CD40: variants seen among roughly 807,000 people sequenced by gnomAD.
The protein encoded by CD40 is tumor necrosis factor receptor superfamily member 5.
In CD40, 19 loss-of-function variants were observed where a neutral mutation model predicts 38.5. The observed-to-expected ratio is 0.49, with a 90% CI of 0.34 to 0.72. The LOEUF is 0.72. Ranked by LOEUF, CD40 falls within the 30% of genes least tolerant of loss-of-function variation. The pLI is 0.01. For synonymous variants in CD40, 130 were observed against 128.7 expected, an observed-to-expected ratio of 1.01 and a Z score of -0.07; for missense variants, 256 against 344.1, an observed-to-expected ratio of 0.74 and a Z score of 2.03.
At chr20:46,128,588 A>C in intron 8 of CD40, 1 of 706,854 alleles carries the variant, frequency 1.4e-6, no homozygotes, top group South Asian at 1.5e-5. Flanking sequence ...GCTGTTCTTC[A>C]CTCCTTTCCT....
At chr20:46,123,795 C>T (rs373071602) in intron 5 of CD40, among the ~76,000 whole-genome samples, 24 of 152,306 alleles carry the variant, frequency 1.6e-4, no homozygotes, top group African/African-American at 4.6e-4. Context: ...CCAACATGAG[C>T]GTTCGACAGT....
At chr20:46,121,292 G>C (rs539865896) in intron 1 of CD40, among the ~76,000 whole-genome samples, 1 of 152,238 alleles carries the variant, frequency 6.6e-6, no homozygotes, top group African/African-American at 2.4e-5. Flanking sequence ...TACCCTTCCA[G>C]CTTTACATTC....
At position 46,122,576 on chromosome 20, in the gene CD40, G is replaced by A. The variant is rs1299183959; in HGVS notation, c.257-34G>A. The A allele has an allele frequency of 1.9e-6, 3 of 1,613,876 alleles. No individual in the cohort carries two copies. Among genetic ancestry groups the A allele is most frequent in the Non-Finnish European group, 2.5e-6 (3 of 1,179,966 alleles). ...TGAGGCTCAGAGCATGGCCCAGCAG[G>A]GGGTTCCCATCCTTCCTGCCCTTCT... On this transcript the variant is annotated intron_variant, in intron 3 of 8. Coordinates refer to ENST00000372285, the MANE Select transcript of CD40 (RefSeq NM_001250.6). The surrounding 1 kb of genome is among the most constrained non-coding windows in gnomAD (Gnocchi z 5.0).
In CD40 at chr20:46,123,111, C is replaced by T. The variant is rs771438872; in HGVS notation, c.404-15C>T. 1 of 1,601,944 alleles carries T rather than the reference C, an allele frequency of 6.2e-7. No individual in the cohort carries two copies. Among genetic ancestry groups the T allele is most frequent in the Non-Finnish European group, 8.6e-7 (1 of 1,168,890 alleles). On this transcript the variant is annotated splice_polypyrimidine_tract_variant and intron_variant, in intron 4 of 8. Transcript: ENST00000372285. ...CACTGTGATGGTTAATGTCCCCCTC[C>T]CCACCCACTCCCAGCTACAGGGGTT... is the stretch of plus-strand genomic sequence containing the variant.
intron 8 of CD40, 75 bp from the exon 9 acceptor site, chr20:46,128,807 G>C: frequency 1.3e-6 from 2 of 1,506,018 alleles, no homozygotes; most frequent in Non-Finnish European, 1.8e-6. Context: ...GAAGGGATCC[G>C]CTTCCCAGGG....
chr20:46,122,389 G>A lies in CD40; in HGVS notation c.256+31G>A, dbSNP rs764861609. On this transcript the variant is annotated intron_variant, in intron 3 of 8. Transcript: ENST00000372285. This position sits in a 1 kb window ranked among gnomAD's most constrained non-coding sequence, Gnocchi z 5.0. ...TGCGCTGTTGGGAAAGGGACGCTTGGGAACCGGGCTGATATTCCCGACAAT... is the reference window on the plus strand; with the variant it reads ...TGCGCTGTTGGGAAAGGGACGCTTGAGAACCGGGCTGATATTCCCGACAAT... The A allele has an allele frequency of 1.2e-6, 2 of 1,613,910 alleles. No homozygotes were observed. The highest frequency in any genetic ancestry group is 2.2e-5 in the South Asian group (2 of 91,068).
intron 5 of CD40, among the ~76,000 whole-genome samples, chr20:46,126,370 C>T (rs1021586901): frequency 6.6e-6 from 1 of 152,206 alleles, no homozygotes; most frequent in African/African-American, 2.4e-5. Flanking sequence ...ACCTAGATCA[C>T]AAAGCTTGGC....
intron 5 of CD40, 69 bp downstream of exon 5, chr20:46,123,288 C>A: frequency 1.7e-6 from 2 of 1,159,126 alleles, no homozygotes; most frequent in Non-Finnish European, 2.6e-6. Flanking sequence ...TCTCTCCAGC[C>A]ACCTGTCCTG....
In CD40 at chr20:46,122,338, A is replaced by C; in HGVS notation, c.236A>C (p.Gln79Pro). The stretch of plus-strand genomic sequence containing the variant: ...TGGAACAGAGAGACACACTGCCACC[A>C]GCACAAATACTGCGACCCCAGTGCG... ...DTWNRETHCH[Q>P]HKYCDPNLGL... Residue 79 changes from glutamine to proline, a missense_variant, in exon 3 of 9, where the codon CAG (glutamine) becomes CCG (proline). By Grantham distance (76) the Gln-to-Pro change is moderately conservative. Transcript: ENST00000372285. The surrounding 1 kb of genome is among the most constrained non-coding windows in gnomAD (Gnocchi z 5.0). 1 of 1,614,240 alleles carries C rather than the reference A, an allele frequency of 6.2e-7. No homozygotes were observed. The highest frequency in any genetic ancestry group is 8.5e-7 in the Non-Finnish European group (1 of 1,180,048).
In CD40 at chr20:46,128,311, T is replaced by C; in HGVS notation, c.647-19T>C. ...CCTCTCCAACTCCCCATCCTTTTTT[T>C]TTTTTTTTTTTTTTTTAGAAAAGGT... On this transcript the variant is annotated intron_variant, in intron 7 of 8. Transcript: ENST00000372285. 6.3e-7 allele frequency: 1 copy of C among 1,588,816 alleles called. No individual in the cohort carries two copies. Among genetic ancestry groups the C allele is most frequent in the South Asian group, 1.1e-5 (1 of 88,136 alleles).
In CD40 at chr20:46,129,281, G is replaced by T. The variant is rs2085508020; in HGVS notation, c.*241G>T. 3 of 540,534 alleles carry T rather than the reference G, an allele frequency of 5.6e-6. No individual in the cohort carries two copies. In the Admixed American group the frequency reaches 8.6e-5, roughly 16 times the overall value. The allele number at this position is 540,534 out of a possible 1,614,324, so 33.5% of individuals were successfully genotyped here. On this transcript the variant is annotated 3_prime_UTR_variant, in exon 9 of 9. Coordinates refer to ENST00000372285, the MANE Select transcript of CD40 (RefSeq NM_001250.6). ...ATCCAGTCTCCCAACTTGTATTAAA[G>T]ACAGAGGCAGAAGTTTGGTGGTGGT...
rs2085508111 is a variant in CD40 at position 46,129,288 on chromosome 20, G to A, written c.*248G>A. ...CTCCCAACTTGTATTAAAGACAGAG[G>A]CAGAAGTTTGGTGGTGGTGGTGTTG... On this transcript the variant is annotated 3_prime_UTR_variant, in exon 9 of 9. Transcript: ENST00000372285. The A allele has an allele frequency of 7.6e-6, 4 of 526,748 alleles. No individual in the cohort carries two copies. Among genetic ancestry groups the A allele is most frequent in the Non-Finnish European group, 1.4e-5 (4 of 287,958 alleles). The allele number at this position is 526,748 out of a possible 1,614,324, so 32.6% of individuals were successfully genotyped here. A position where few individuals can be genotyped will look rare whatever the true frequency, so the allele number is the denominator to read the frequency against.
chr20:46,122,177 A>G lies in CD40; in HGVS notation c.131-56A>G. Reference sequence around the variant, plus strand: ...AGCCTGGCCTGATCATTGTGTGGTTAGTGTCTGACTCATGGAGTTGGCCAG... The same window carrying G: ...AGCCTGGCCTGATCATTGTGTGGTTGGTGTCTGACTCATGGAGTTGGCCAG... On this transcript the variant is annotated intron_variant, in intron 2 of 8. Transcript: ENST00000372285. The surrounding 1 kb of genome is among the most constrained non-coding windows in gnomAD (Gnocchi z 5.0). 2 of 1,604,872 alleles carry G rather than the reference A, an allele frequency of 1.2e-6. No homozygotes were observed. The highest frequency in any genetic ancestry group is 1.7e-6 in the Non-Finnish European group (2 of 1,171,682).
Position 46,129,269 on chromosome 20 carries a change from A to G in CD40, c.*229A>G, listed in dbSNP as rs551789939. 83 of 567,716 alleles carry G rather than the reference A, an allele frequency of 1.5e-4. 1 individual carries two copies. The highest frequency in any genetic ancestry group is 1.3e-3 in the African/African-American group (71 of 53,686). 35.2% of individuals were successfully genotyped at this position (567,716 alleles called of 1,614,324 possible). ...ACCCTGGAGCCCATCCAGTCTCCCA[A>G]CTTGTATTAAAGACAGAGGCAGAAG... On this transcript the variant is annotated 3_prime_UTR_variant, in exon 9 of 9. Coordinates refer to ENST00000372285, the MANE Select transcript of CD40 (RefSeq NM_001250.6).
intron 5 of CD40, among the ~76,000 whole-genome samples, chr20:46,125,045 G>T (rs2085404879): frequency 6.6e-6 from 1 of 151,598 alleles, no homozygotes; most frequent in Non-Finnish European, 1.5e-5. Flanking sequence ...GGGATTACAG[G>T]CGTGAGCCAC....
rs1347001192 is a variant in CD40 at position 46,122,841 on chromosome 20, G to A, written c.403+85G>A. On this transcript the variant is annotated intron_variant, in intron 4 of 8. Coordinates refer to ENST00000372285, the MANE Select transcript of CD40 (RefSeq NM_001250.6). The surrounding 1 kb of genome is among the most constrained non-coding windows in gnomAD (Gnocchi z 5.0). Reference sequence around the variant, plus strand: ...TGAGGGGCTGGGCAGTGGGCACTTAGCCCCAGAGGCAGAGGAAGCAGAGGC... The same window carrying A: ...TGAGGGGCTGGGCAGTGGGCACTTAACCCCAGAGGCAGAGGAAGCAGAGGC... The A allele has an allele frequency of 1.3e-6, 2 of 1,547,586 alleles. No homozygotes were observed. The highest frequency in any genetic ancestry group is 2.7e-5 in the African/African-American group (2 of 73,404).
At chr20:46,119,123 G>A (rs1285987816) in intron 1 of CD40, among the ~76,000 whole-genome samples, 1 of 152,132 alleles carries the variant, frequency 6.6e-6, no homozygotes, top group Non-Finnish European at 1.5e-5. Context: ...GTTTCTCCAG[G>A]CACCAGAGGG....
In CD40 at chr20:46,129,159, C is replaced by T. The variant is rs746182207; in HGVS notation, c.*119C>T. The T allele has an allele frequency of 3.7e-5, 41 of 1,122,152 alleles. No homozygotes were observed. Among genetic ancestry groups the T allele is most frequent in the Non-Finnish European group, 4.7e-5 (35 of 752,496 alleles). The allele number at this position is 1,122,152 out of a possible 1,614,324, so 69.5% of individuals were successfully genotyped here. A position where few individuals can be genotyped will look rare whatever the true frequency, so the allele number is the denominator to read the frequency against. ...CTGGCACTGACTGGGCATAGCTCCC[C>T]GCTTCTGCCTGCACCCCTGCAGTTT... On this transcript the variant is annotated 3_prime_UTR_variant, in exon 9 of 9. Coordinates refer to ENST00000372285, the MANE Select transcript of CD40 (RefSeq NM_001250.6).
chr20:46,124,686 G>A (rs1029375982), intron 5 of CD40, among the ~76,000 whole-genome samples: 2 of 146,654 alleles, frequency 1.4e-5, no homozygotes, highest in African/African-American at 5.0e-5. Context: ...AGTACCTGAC[G>A]CATGGTAGGT....
Sources: allele counts gnomAD v4.1 joint callset (sites outside exome capture counted in the v4.1 genomes callset), GRCh38; gene constraint gnomAD v4.1.1; non-coding constraint Gnocchi (gnomAD v3.1); transcripts MANE v1.5; gene names NCBI Gene and HGNC (gene_info 2026-07-23, HGNC 2026-07-21).